The following ABCB9 variants were observed in gnomAD, a reference collection of about 807,000 sequenced individuals.
The protein encoded by ABCB9 is ABC-type oligopeptide transporter ABCB9.
In ABCB9, 36 loss-of-function variants were observed where a neutral mutation model predicts 62.0. That is an observed-to-expected ratio of 0.58 (90% CI 0.45 to 0.77). The LOEUF (loss-of-function observed/expected upper bound fraction) is 0.77. ABCB9 is among the 30% of genes least tolerant of loss of function. The pLI is 0.00. For synonymous variants in ABCB9, 435 were observed against 461.4 expected (o/e 0.94, Z 0.73); for missense variants, 943 against 1,054.7 (o/e 0.89, Z 1.47).
Position 122,940,732 on chromosome 12 carries a change from C to G in ABCB9, c.1569+75G>C. The G allele has an allele frequency of 6.9e-7, 1 of 1,454,786 alleles. No homozygotes were observed. Among genetic ancestry groups the G allele is most frequent in the South Asian group, 1.4e-5 (1 of 71,378 alleles). 90.1% of individuals were successfully genotyped at this position (1,454,786 alleles called of 1,614,324 possible). On this transcript the variant is annotated intron_variant, in intron 8 of 11. Transcript: ENST00000280560. This position sits in a 1 kb window ranked among gnomAD's most constrained non-coding sequence, Gnocchi z 4.8. ...ATATTCCCAGCTGCCCTGCCACAGC[C>G]TGGTGTATAGGAGGTGCACCAGAAA...
At chr12:122,961,395 G>A (rs1256462364) in intron 1 of ABCB9, among the ~76,000 whole-genome samples, 1 of 152,078 alleles carries the variant, frequency 6.6e-6, no homozygotes, top group Non-Finnish European at 1.5e-5. Context: ...GTTTCACCAT[G>A]TTGGCCAGGC....
At chr12:122,933,535 C>T (rs7307462) in intron 10 of ABCB9, among the ~76,000 whole-genome samples, 2,137 of 150,918 alleles carry the variant, frequency 0.014, 36 homozygotes, top group African/African-American at 0.049. Context: ...GCCTGGGCGA[C>T]AGAGCGAGAC....
chr12:122,956,979 T>C (rs1258203294), intron 2 of ABCB9, among the ~76,000 whole-genome samples: 1 of 151,920 alleles, frequency 6.6e-6, no homozygotes, highest in African/African-American at 2.4e-5. Context: ...AAACTCATAA[T>C]AGCTAACAAC....
In ABCB9 at chr12:122,947,707, C is replaced by T. The variant is rs1457292219; in HGVS notation, c.1053+917G>A. The T allele has an allele frequency of 7.5e-6, 2 of 265,650 alleles. No homozygotes were observed. The highest frequency in any genetic ancestry group is 1.6e-5 in the Non-Finnish European group (2 of 125,730). 16.5% of individuals were successfully genotyped at this position (265,650 alleles called of 1,614,324 possible). Reference sequence around the variant, plus strand: ...CCCTAGCTCGGAAGCAGAAGCAGTGCCGTGGGGTGGCCAGAGGGGACAGCA... The same window carrying T: ...CCCTAGCTCGGAAGCAGAAGCAGTGTCGTGGGGTGGCCAGAGGGGACAGCA... On this transcript the variant is annotated intron_variant, in intron 5 of 11. Transcript: ENST00000280560. The surrounding 1 kb of genome is among the most constrained non-coding windows in gnomAD (Gnocchi z 6.0).
rs1272750701 is a variant in ABCB9 at position 122,944,220 on chromosome 12, C to T, written c.1380+171G>A. ...CTGGGATTATAGGCGTGAGCCACCA[C>T]GCCCTGCCTAGTATTATCATTCTTG... On this transcript the variant is annotated intron_variant, in intron 7 of 11. Transcript: ENST00000280560. This position sits in a 1 kb window ranked among gnomAD's most constrained non-coding sequence, Gnocchi z 4.9. 4.6e-5 allele frequency among the ~76,000 whole-genome samples: 7 copies of T among 152,180 alleles called. No homozygotes were observed. The highest frequency in any genetic ancestry group is 3.9e-4 in the East Asian group (2 of 5,194).
intron 7 of ABCB9, among the ~76,000 whole-genome samples, chr12:122,943,289 A>G (rs2035863042): frequency 6.6e-6 from 1 of 152,014 alleles, no homozygotes; most frequent in Admixed American, 6.6e-5. Flanking sequence ...TCCACGTCTC[A>G]CTTTCCACTC....
At chr12:122,924,820 A>C, downstream of ABCB9, 1 of 1,534,718 alleles carries the variant, frequency 6.5e-7, no homozygotes, top group Non-Finnish European at 8.7e-7. Flanking sequence ...ACTGTGTGGG[A>C]CAGAAGGAGG....
chr12:122,949,334 G>A (rs761208242), intron 4 of ABCB9: 66 of 180,084 alleles, frequency 3.7e-4, no homozygotes, highest in Non-Finnish European at 2.4e-4. Flanking sequence ...TCAGAGAGGT[G>A]AAGTTCGTGA....
downstream of ABCB9, among the ~76,000 whole-genome samples, chr12:122,925,308 G>A (rs1010349949): frequency 7.9e-5 from 12 of 152,230 alleles, no homozygotes; most frequent in African/African-American, 2.9e-4. Flanking sequence ...CTCATGGATT[G>A]CTGGTGGGAA....
upstream of ABCB9, among the ~76,000 whole-genome samples, chr12:122,970,969 G>A (rs2037263920): frequency 6.6e-6 from 1 of 152,204 alleles, no homozygotes; most frequent in African/African-American, 2.4e-5. Context: ...AGGCAAAACG[G>A]TGGAGACAGT....
At position 122,947,598 on chromosome 12, in the gene ABCB9, AC is replaced by A. The variant is rs2036113387; in HGVS notation, c.1053+1025del. 1 of 351,816 alleles carries A rather than the reference AC, an allele frequency of 2.8e-6. No individual in the cohort carries two copies. Among genetic ancestry groups the A allele is most frequent in the South Asian group, 2.0e-5 (1 of 50,490 alleles). The allele number at this position is 351,816 out of a possible 1,614,324, so 21.8% of individuals were successfully genotyped here. A position where few individuals can be genotyped will look rare whatever the true frequency, so the allele number is the denominator to read the frequency against. ...CAGGGTCACAGCCCTGCCTGTCTGAACCCAGCCTGTCTGTCCCTTAGGGCTC... is the reference window on the plus strand; with the variant it reads ...CAGGGTCACAGCCCTGCCTGTCTGAACCAGCCTGTCTGTCCCTTAGGGCTC... On this transcript the variant is annotated intron_variant, in intron 5 of 11. Coordinates refer to ENST00000280560, the MANE Select transcript of ABCB9 (RefSeq NM_019625.4). This position sits in a 1 kb window ranked among gnomAD's most constrained non-coding sequence, Gnocchi z 6.0.
At chr12:122,950,664 A>G in intron 2 of ABCB9, 99 bp from the exon 3 acceptor site, 1 of 965,330 alleles carries the variant, frequency 1.0e-6, no homozygotes, top group Non-Finnish European at 1.5e-6. Flanking sequence ...CCCTCTGCCC[A>G]CTCCACCGGT....
intron 11 of ABCB9, chr12:122,931,891 G>A (rs2135759615): frequency 2.3e-6 from 1 of 430,964 alleles, no homozygotes; most frequent in South Asian, 2.5e-5. Context: ...TGATCCACCT[G>A]CTTCGGCCTC....
chr12:122,919,749 T>C (rs1220923961), downstream of ABCB9, among the ~76,000 whole-genome samples: 1 of 152,010 alleles, frequency 6.6e-6, no homozygotes, highest in East Asian at 1.9e-4. Flanking sequence ...TAGACGGAGG[T>C]TCTCAATAAA....
At chr12:122,945,943 A>G (rs2135835675) in intron 6 of ABCB9, 82 bp downstream of exon 6, 1 of 1,369,064 alleles carries the variant, frequency 7.3e-7, no homozygotes, top group Non-Finnish European at 1.0e-6. Context: ...AACATGCAGG[A>G]CTGATGTCCT....
In ABCB9 at chr12:122,932,126, G is replaced by A. The variant is rs767531053; in HGVS notation, c.2040+66C>T. 5 of 1,548,700 alleles carry A rather than the reference G, an allele frequency of 3.2e-6. 1 individual carries two copies. The South Asian group carries it at 6.0e-5, about 18-fold the overall frequency. On this transcript the variant is annotated intron_variant, in intron 11 of 11. Transcript: ENST00000280560. This position sits in a 1 kb window ranked among gnomAD's most constrained non-coding sequence, Gnocchi z 4.7. The stretch of plus-strand genomic sequence containing the variant: ...TCTCTTCTCAGCATCCATCTGCTGG[G>A]CGATGGGGGCTCTGGCCACCTGGAG...
chr12:122,924,930 T>A, downstream of ABCB9: 1 of 1,096,692 alleles, frequency 9.1e-7, no homozygotes, highest in South Asian at 1.3e-5. Flanking sequence ...ATATTGTTTG[T>A]TTTTGAGACA....
At chr12:122,952,901 T>C (rs1012927102) in intron 2 of ABCB9, 3 of 152,246 alleles carry the variant, frequency 2.0e-5, no homozygotes, top group Non-Finnish European at 4.4e-5. Flanking sequence ...CTCTCAACTT[T>C]GCTCACATCA....
chr12:122,953,815 C>A (rs536016730), intron 2 of ABCB9, among the ~76,000 whole-genome samples: 2 of 152,150 alleles, frequency 1.3e-5, no homozygotes, highest in Non-Finnish European at 2.9e-5. Context: ...AGCCACCACA[C>A]CCAGCCACTT....
Sources: allele counts gnomAD v4.1 joint callset (sites outside exome capture counted in the v4.1 genomes callset), GRCh38; gene constraint gnomAD v4.1.1; non-coding constraint Gnocchi (gnomAD v3.1); transcripts MANE v1.5; gene names NCBI Gene and HGNC (gene_info 2026-07-23, HGNC 2026-07-21).